Variants in CCDC148 observed in about 807,000 individuals in gnomAD.
CCDC148 encodes the protein coiled-coil domain-containing protein 148.
CCDC148 carries 89 observed loss-of-function variants against 85.7 expected under a neutral mutation model. The ratio of observed to expected loss-of-function variants is 1.04; its 90% CI spans 0.87 to 1.24. The LOEUF is 1.24. Ranked by LOEUF, CCDC148 falls within the 50% of genes most tolerant of loss-of-function variation. CCDC148 has a pLI of 0.00. For synonymous variants in CCDC148, 230 were observed against 213.9 expected, an observed-to-expected ratio of 1.08 and a Z score of -0.66; for missense variants, 692 against 671.7, an observed-to-expected ratio of 1.03 and a Z score of -0.33.
chr2:158,281,275 A>G (rs978242380), intron 9 of CCDC148, among the ~76,000 whole-genome samples: 1 of 152,150 alleles, frequency 6.6e-6, no homozygotes, highest in African/African-American at 2.4e-5. Context: ...AATAACGAAA[A>G]TCAGAGCAGA....
intron 1 of CCDC148, among the ~76,000 whole-genome samples, chr2:158,367,139 A>G (rs146877790): frequency 6.6e-6 from 1 of 152,334 alleles, no homozygotes; most frequent in Non-Finnish European, 1.5e-5. Context: ...GAGAAATGAC[A>G]AGGAGCAAGA....
At chr2:158,432,208 AG>A (rs1209011793) in intron 1 of CCDC148, among the ~76,000 whole-genome samples, 4 of 151,674 alleles carry the variant, frequency 2.6e-5, no homozygotes, top group Admixed American at 2.0e-4. Context: ...AAAAAGGCAA[AG>A]AAAATTAAAA....
chr2:158,339,107 T>C (rs369980861), intron 5 of CCDC148, 22 bp from the exon 6 acceptor site: 5 of 1,507,900 alleles, frequency 3.3e-6, no homozygotes, highest in South Asian at 2.3e-5. Context: ...TTGGAACAAG[T>C]AGTAGGCAAA....
chr2:158,188,485 T>G (rs894722175), intron 11 of CCDC148, among the ~76,000 whole-genome samples: 11 of 151,856 alleles, frequency 7.2e-5, no homozygotes, highest in African/African-American at 2.2e-4. Context: ...CTGCCTATTA[T>G]GGACACACCT....
intron 9 of CCDC148, among the ~76,000 whole-genome samples, chr2:158,281,442 G>T (rs1690294337): frequency 2.0e-5 from 3 of 151,954 alleles, no homozygotes; most frequent in Non-Finnish European, 4.4e-5. Flanking sequence ...TGATAAAGGG[G>T]ATATCACCAC....
intron 1 of CCDC148, among the ~76,000 whole-genome samples, chr2:158,433,506 G>C (rs1170647724): frequency 6.6e-6 from 1 of 151,964 alleles, no homozygotes; most frequent in Non-Finnish European, 1.5e-5. Flanking sequence ...TCTGCAGAGG[G>C]AGGTTCCAAG....
At chr2:158,346,301 TCTC>T (rs1381133346) in intron 2 of CCDC148, among the ~76,000 whole-genome samples, 1 of 152,174 alleles carries the variant, frequency 6.6e-6, no homozygotes, top group African/African-American at 2.4e-5. Flanking sequence ...CATCTTGCCT[TCTC>T]TACTCTCACA....
chr2:158,371,940 A>G (rs1222115919), intron 1 of CCDC148, among the ~76,000 whole-genome samples: 7 of 152,060 alleles, frequency 4.6e-5, no homozygotes, highest in Non-Finnish European at 1.0e-4. Flanking sequence ...CTCAAAGTAG[A>G]GAGTCTCAAT....
At chr2:158,367,109 G>A (rs1684237841) in intron 1 of CCDC148, among the ~76,000 whole-genome samples, 1 of 152,166 alleles carries the variant, frequency 6.6e-6, no homozygotes, top group Admixed American at 6.6e-5. Flanking sequence ...GCACTCAGCA[G>A]CCATCAGTAA....
chr2:158,249,935 C>A (rs1688720137), intron 10 of CCDC148, among the ~76,000 whole-genome samples: 1 of 152,012 alleles, frequency 6.6e-6, no homozygotes, highest in Admixed American at 6.6e-5. Context: ...TAGATCAAGT[C>A]AAAACAGGTG....
intron 1 of CCDC148, among the ~76,000 whole-genome samples, chr2:158,417,167 G>A (rs1185813496): frequency 6.6e-6 from 1 of 152,200 alleles, no homozygotes; most frequent in Non-Finnish European, 1.5e-5. Flanking sequence ...AATTCAACAT[G>A]AGATTTGGGC....
Position 158,345,195 on chromosome 2 carries a change from C to G in CCDC148, c.251+20G>C. The G allele has an allele frequency of 6.4e-7, 1 of 1,568,302 alleles. No homozygotes were observed. Among genetic ancestry groups the G allele is most frequent in the South Asian group, 1.1e-5 (1 of 89,092 alleles). On this transcript the variant is annotated intron_variant, in intron 3 of 13. Transcript: ENST00000283233. ...TCCTAGTAATTCCTACGTGTTCTTACTATGTCCCCCAGTTCTTACCTGACT... is the reference window on the plus strand; with the variant it reads ...TCCTAGTAATTCCTACGTGTTCTTAGTATGTCCCCCAGTTCTTACCTGACT...
intron 1 of CCDC148, among the ~76,000 whole-genome samples, chr2:158,427,757 C>T (rs1174668534): frequency 2.0e-5 from 3 of 152,094 alleles, no homozygotes; most frequent in Admixed American, 1.3e-4. Flanking sequence ...ATAATCTCAG[C>T]TACCTGGGAG....
chr2:158,349,571 G>A (rs1574665931), intron 2 of CCDC148, among the ~76,000 whole-genome samples: 1 of 151,850 alleles, frequency 6.6e-6, no homozygotes, highest in Non-Finnish European at 1.5e-5. Context: ...TTAATTTCCA[G>A]TTATTTAATT....
chr2:158,285,111 A>C (rs1690553695), intron 9 of CCDC148, among the ~76,000 whole-genome samples: 1 of 152,078 alleles, frequency 6.6e-6, no homozygotes, highest in Non-Finnish European at 1.5e-5. Context: ...AACATGGTGA[A>C]ACCCTGTCTC....
At chr2:158,358,847 G>A (rs1284485056) in intron 1 of CCDC148, among the ~76,000 whole-genome samples, 2 of 151,898 alleles carry the variant, frequency 1.3e-5, no homozygotes, top group African/African-American at 4.8e-5. Flanking sequence ...GAAGATTTTA[G>A]AAAATTATAA....
chr2:158,284,846 T>C (rs1574547012), intron 9 of CCDC148, among the ~76,000 whole-genome samples: 1 of 152,128 alleles, frequency 6.6e-6, no homozygotes, highest in East Asian at 1.9e-4. Flanking sequence ...CACAAACAGA[T>C]TATAAAACAA....
intron 1 of CCDC148, among the ~76,000 whole-genome samples, chr2:158,382,078 C>T (rs1367874843): frequency 6.6e-6 from 1 of 152,066 alleles, no homozygotes; most frequent in Non-Finnish European, 1.5e-5. Context: ...GCCCCTTCCA[C>T]CATGTGAAGA....
chr2:158,372,399 C>T (rs763304317), intron 1 of CCDC148, among the ~76,000 whole-genome samples: 2 of 151,956 alleles, frequency 1.3e-5, no homozygotes, highest in Non-Finnish European at 2.9e-5. Context: ...TCTAATTTTT[C>T]CCCTTGAATG....
Sources: allele counts gnomAD v4.1 joint callset (sites outside exome capture counted in the v4.1 genomes callset), GRCh38; gene constraint gnomAD v4.1.1; transcripts MANE v1.5; gene names NCBI Gene and HGNC (gene_info 2026-07-23, HGNC 2026-07-21).